KLF9: variants seen among roughly 807,000 people sequenced by gnomAD.
The protein encoded by KLF9 is KLF transcription factor 9.
KLF9 carries 2 observed loss-of-function variants against 17.3 expected under a neutral mutation model. The observed-to-expected ratio is 0.12, with a 90% CI of 0.05 to 0.36. The LOEUF is 0.36. Among genes scored for constraint, KLF9 ranks in the 10% least tolerant of loss-of-function variants. The pLI is 1.00. For synonymous variants in KLF9, 138 were observed against 139.2 expected, an observed-to-expected ratio of 0.99 and a Z score of 0.06; for missense variants, 226 against 333.2, an observed-to-expected ratio of 0.68 and a Z score of 2.51.
chr9:70,395,854 G>T (rs1168508344), intron 1 of KLF9, among the ~76,000 whole-genome samples: 1 of 152,132 alleles, frequency 6.6e-6, no homozygotes, highest in East Asian at 1.9e-4. Flanking sequence ...AGGATCACTT[G>T]AACCAGTGAG....
intron 1 of KLF9, among the ~76,000 whole-genome samples, chr9:70,397,167 A>G (rs1306153972): frequency 6.6e-6 from 1 of 152,186 alleles, no homozygotes; most frequent in Non-Finnish European, 1.5e-5. Context: ...TAATTGTCAG[A>G]AAGTCAGAAA....
chr9:70,412,771 G>A, intron 1 of KLF9, 88 bp downstream of exon 1: 2 of 1,256,530 alleles, frequency 1.6e-6, no homozygotes, highest in Non-Finnish European at 2.2e-6. Flanking sequence ...CCTTTCGGCC[G>A]AGTGCAGTGT....
intron 1 of KLF9, among the ~76,000 whole-genome samples, chr9:70,408,728 AG>A (rs2037274325): frequency 6.6e-6 from 1 of 152,132 alleles, no homozygotes; most frequent in Non-Finnish European, 1.5e-5. Context: ...CAAGAAGCTC[AG>A]GGCAACCTCA....
rs1282557926 is a variant in KLF9, at chr9:70,413,466, C to T, written c.-103G>A. 3.4e-6 allele frequency: 4 copies of T among 1,192,080 alleles called. No homozygotes were observed. Among genetic ancestry groups the T allele is most frequent in the South Asian group, 3.8e-5 (1 of 26,392 alleles). 73.8% of individuals were successfully genotyped at this position (1,192,080 alleles called of 1,614,324 possible). On this transcript the variant is annotated 5_prime_UTR_variant, in exon 1 of 2. Transcript: ENST00000377126. The surrounding 1 kb of genome is among the most constrained non-coding windows in gnomAD (Gnocchi z 5.6). ...CTCGGACGACGAGCGCGGCGCGGCG[C>T]GGCACGGCGCGGCGGCCAAGGGGGC... is the stretch of plus-strand genomic sequence containing the variant.
At chr9:70,404,874 T>C (rs774332714) in intron 1 of KLF9, among the ~76,000 whole-genome samples, 16 of 152,156 alleles carry the variant, frequency 1.1e-4, no homozygotes, top group Non-Finnish European at 2.1e-4. Context: ...TGAGTTGTCA[T>C]AAATAGAATG....
intron 1 of KLF9, among the ~76,000 whole-genome samples, chr9:70,409,698 G>A (rs2037296189): frequency 6.6e-6 from 1 of 152,080 alleles, no homozygotes; most frequent in South Asian, 2.1e-4. Flanking sequence ...ATCATAAAGT[G>A]TCCAAAAAGT....
Position 70,414,455 on chromosome 9 carries a change from G to C in KLF9, c.-1092C>G, listed in dbSNP as rs1219822626. 3 of 152,208 alleles carry C rather than the reference G, an allele frequency of 2.0e-5. No individual in the cohort carries two copies. Among genetic ancestry groups the C allele is most frequent in the African/African-American group, 7.2e-5 (3 of 41,436 alleles). The allele number at this position is 152,208 out of a possible 1,614,324, so 9.4% of individuals were successfully genotyped here. A position where few individuals can be genotyped will look rare whatever the true frequency, so the allele number is the denominator to read the frequency against. On this transcript the variant is annotated 5_prime_UTR_variant, in exon 1 of 2. Transcript: ENST00000377126. ...TGGCATTGGCTCGGCCAATCACAAG[G>C]GCGTTCCGAAAGCAAGCGCTCGACA... is the stretch of plus-strand genomic sequence containing the variant.
In KLF9 at chr9:70,387,423, C is replaced by G. The variant is rs1487905875; in HGVS notation, c.*353G>C. The G allele has an allele frequency of 1.3e-5, 2 of 148,994 alleles. No homozygotes were observed. Among genetic ancestry groups the G allele is most frequent in the Admixed American group, 1.4e-4 (2 of 14,724 alleles). The allele number at this position is 148,994 out of a possible 1,614,324, so 9.2% of individuals were successfully genotyped here. On this transcript the variant is annotated 3_prime_UTR_variant, in exon 2 of 2. Transcript: ENST00000377126. ...ATTCTACCCCAGTCTTGGCCTTACC[C>G]CCCTCCCCCCCACCCACTCCCTACC...
intron 1 of KLF9, among the ~76,000 whole-genome samples, chr9:70,392,108 C>T (rs2037156814): frequency 6.6e-6 from 1 of 152,186 alleles, no homozygotes; most frequent in Admixed American, 6.5e-5. Context: ...TCGCTTGAAC[C>T]CGAGGGGCGG....
At chr9:70,411,150 G>A (rs879715731) in intron 1 of KLF9, among the ~76,000 whole-genome samples, 5 of 152,180 alleles carry the variant, frequency 3.3e-5, no homozygotes, top group Non-Finnish European at 5.9e-5. Context: ...CAGCCGAATG[G>A]CCCAGAACGC....
At chr9:70,399,424 GCTGCCTTTGTTCAGCTATTTGT>G (rs2037207437) in intron 1 of KLF9, among the ~76,000 whole-genome samples, 1 of 152,178 alleles carries the variant, frequency 6.6e-6, no homozygotes, top group East Asian at 1.9e-4. Context: ...CCCAGACTAT[GCTGCCTTTGTTCAGCTATTTGT>G]GGGAAACATA....
chr9:70,389,996 C>T (rs758091219), intron 1 of KLF9, among the ~76,000 whole-genome samples: 6 of 152,196 alleles, frequency 3.9e-5, no homozygotes, highest in Non-Finnish European at 7.3e-5. Flanking sequence ...AGCTGTCCAG[C>T]GTGGTGCATT....
chr9:70,394,376 T>C (rs920799006), intron 1 of KLF9, among the ~76,000 whole-genome samples: 1 of 151,808 alleles, frequency 6.6e-6, no homozygotes, highest in Non-Finnish European at 1.5e-5. Context: ...TAGTATATGA[T>C]AAAATTGAAC....
intron 1 of KLF9, among the ~76,000 whole-genome samples, chr9:70,410,348 C>A (rs1471204576): frequency 2.0e-5 from 3 of 152,220 alleles, no homozygotes; most frequent in Non-Finnish European, 4.4e-5. Context: ...CAGCAAGCCT[C>A]CAGTTTGCAA....
intron 1 of KLF9, among the ~76,000 whole-genome samples, chr9:70,390,938 C>T (rs934292123): frequency 1.3e-5 from 2 of 152,200 alleles, no homozygotes; most frequent in African/African-American, 4.8e-5. Context: ...CCTTTCTCCA[C>T]TCCCTTCTGA....
chr9:70,397,371 A>G (rs2037188281), intron 1 of KLF9, among the ~76,000 whole-genome samples: 1 of 152,000 alleles, frequency 6.6e-6, no homozygotes, highest in African/African-American at 2.4e-5. Context: ...GCTACTCGGG[A>G]GGCTGAGGCA....
chr9:70,399,243 C>T (rs1426084598), intron 1 of KLF9, among the ~76,000 whole-genome samples: 1 of 152,138 alleles, frequency 6.6e-6, no homozygotes, highest in Admixed American at 6.5e-5. Flanking sequence ...GAAGATCTGC[C>T]TCTTGGTGTA....
intron 1 of KLF9, among the ~76,000 whole-genome samples, chr9:70,389,072 C>G (rs949361181): frequency 6.6e-6 from 1 of 151,586 alleles, no homozygotes; most frequent in African/African-American, 2.4e-5. Flanking sequence ...ACCCAGGAAG[C>G]GAAGGTTGCA....
At chr9:70,406,801 G>C (rs1398947389) in intron 1 of KLF9, among the ~76,000 whole-genome samples, 3 of 151,924 alleles carry the variant, frequency 2.0e-5, no homozygotes, top group Non-Finnish European at 4.4e-5. Context: ...GGGAGGGTCG[G>C]ATGTGGGGGA....
Sources: allele counts gnomAD v4.1 joint callset (sites outside exome capture counted in the v4.1 genomes callset), GRCh38; gene constraint gnomAD v4.1.1; non-coding constraint Gnocchi (gnomAD v3.1); transcripts MANE v1.5; gene names NCBI Gene and HGNC (gene_info 2026-07-23, HGNC 2026-07-21).